ZFHX3: variants seen among roughly 807,000 people sequenced by gnomAD.
The protein encoded by ZFHX3 is zinc finger homeobox protein 3.
A neutral mutation model predicts 279.1 loss-of-function variants in ZFHX3; 42 were observed. That is an observed-to-expected ratio of 0.15 (90% confidence interval 0.12 to 0.19). ZFHX3 has a LOEUF of 0.19. Among genes scored for constraint, ZFHX3 ranks in the 10% least tolerant of loss-of-function variants. The pLI, the probability that ZFHX3 is intolerant of heterozygous loss-of-function variation, is 1.00. For synonymous variants in ZFHX3, 2,293 were observed against 1,957.8 expected (o/e 1.17, Z -4.52); for missense variants, 4,981 against 4,754.0 (o/e 1.05, Z -1.40).
intron 3 of ZFHX3, among the ~76,000 whole-genome samples, chr16:72,934,943 T>C (rs934090404): frequency 2.0e-5 from 3 of 152,352 alleles, no homozygotes; most frequent in East Asian, 1.9e-4. Flanking sequence ...AAATCCATGC[T>C]GTGAGTACAA....
intron 7 of ZFHX3, among the ~76,000 whole-genome samples, chr16:73,105,924 C>T (rs1279448005): frequency 2.0e-5 from 2 of 100,692 alleles, no homozygotes; most frequent in Non-Finnish European, 5.3e-5. Context: ...CCTATATGTA[C>T]ACGGACCCCC....
At chr16:72,901,908 C>G (rs1597361954) in intron 3 of ZFHX3, among the ~76,000 whole-genome samples, 2 of 152,318 alleles carry the variant, frequency 1.3e-5, no homozygotes, top group African/African-American at 4.8e-5. Flanking sequence ...TTCTGCCCTC[C>G]TTCCCCCACC....
At chr16:73,458,412 A>G (rs2018413234) in intron 2 of ZFHX3, among the ~76,000 whole-genome samples, 3 of 144,336 alleles carry the variant, frequency 2.1e-5, no homozygotes, top group Admixed American at 7.3e-5. Flanking sequence ...GTCTTACTCA[A>G]TTGCCCAGGC....
chr16:73,206,127 A>G (rs750995225), intron 5 of ZFHX3, among the ~76,000 whole-genome samples: 2 of 152,080 alleles, frequency 1.3e-5, no homozygotes, highest in Non-Finnish European at 1.5e-5. Context: ...ACTACCGTCA[A>G]CTCTTTCCTG....
At chr16:73,147,599 G>A (rs1232461292) in intron 5 of ZFHX3, among the ~76,000 whole-genome samples, 1 of 148,018 alleles carries the variant, frequency 6.8e-6, no homozygotes, top group Non-Finnish European at 1.5e-5. Flanking sequence ...GGCTGAGGCA[G>A]GAGAATGGCG....
In ZFHX3 at chr16:73,247,325, GGTGT is replaced by G. The variant is rs375190572; in HGVS notation, c.-1104+9718_-1104+9721del. The stretch of plus-strand genomic sequence containing the variant: ...TGCCTGTTTGTGGAGTGTTTGTGTA[GGTGT>G]GTGTATACTGTGTATATAACGTATT... On this transcript the variant is annotated intron_variant, in intron 5 of 17. Transcript: ENST00000641206. Among the ~76,000 whole-genome samples the G allele has an allele frequency of 4.8e-3, 710 of 149,440 alleles. 2 individuals are homozygous for G. Among genetic ancestry groups the G allele is most frequent in the Non-Finnish European group, 6.1e-3 (409 of 67,326 alleles).
At chr16:73,212,358 A>T (rs1006364892) in intron 5 of ZFHX3, among the ~76,000 whole-genome samples, 1 of 152,216 alleles carries the variant, frequency 6.6e-6, no homozygotes, top group Non-Finnish European at 1.5e-5. Context: ...TATTATGAAC[A>T]TATTTCCATG....
intron 7 of ZFHX3, among the ~76,000 whole-genome samples, chr16:73,122,117 C>A (rs886144317): frequency 6.6e-6 from 1 of 152,158 alleles, no homozygotes; most frequent in Non-Finnish European, 1.5e-5. Context: ...GGGCCTGGCA[C>A]ATGGTAGGTA....
intron 5 of ZFHX3, chr16:73,233,199 C>T (rs1241580388): frequency 6.6e-6 from 1 of 151,064 alleles, no homozygotes; most frequent in East Asian, 1.9e-4. Flanking sequence ...ACGGGAATTG[C>T]TCGATGTTCC....
chr16:73,033,748 T>A (rs1029771831), intron 1 of ZFHX3, among the ~76,000 whole-genome samples: 1 of 152,130 alleles, frequency 6.6e-6, no homozygotes, highest in Non-Finnish European at 1.5e-5. Flanking sequence ...CTTCTCAGCT[T>A]ACCAGGGGCA....
In ZFHX3 at chr16:73,502,730, G is replaced by A. The variant is rs575947493; in HGVS notation, c.-1546-46472C>T. ...TCAGCCGCTGAAAGAGTGAGAAGAT[G>A]ACCTGGTATCCCCATGCAATGAACA... On this transcript the variant is annotated intron_variant, in intron 2 of 17. Coordinates refer to the ZFHX3 transcript ENST00000641206. Among the ~76,000 whole-genome samples the A allele has an allele frequency of 7.2e-5, 11 of 152,308 alleles. No individual in the cohort carries two copies. The South Asian group carries it at 2.3e-3, about 32-fold the overall frequency.
Position 73,396,055 on chromosome 16 carries a change from G to A in ZFHX3, c.-1291+59948C>T, listed in dbSNP as rs114099832. ...ACCCTACCTGGAATAAATAGGCCAG[G>A]GCCTTAGAGGAATGTAGCAATTCTG... On this transcript the variant is annotated intron_variant, in intron 3 of 17. Transcript: ENST00000641206. Among the ~76,000 whole-genome samples the A allele has an allele frequency of 2.4e-3, 369 of 152,308 alleles. 1 individual carries two copies. Among genetic ancestry groups the A allele is most frequent in the African/African-American group, 8.2e-3 (341 of 41,562 alleles).
At chr16:73,594,252 T>G (rs2052026960) in intron 2 of ZFHX3, among the ~76,000 whole-genome samples, 1 of 152,154 alleles carries the variant, frequency 6.6e-6, no homozygotes, top group African/African-American at 2.4e-5. Context: ...AAAGATATCA[T>G]GTAAAATAGC....
intron 5 of ZFHX3, among the ~76,000 whole-genome samples, chr16:73,204,018 G>A (rs1028419117): frequency 5.9e-5 from 9 of 152,006 alleles, no homozygotes; most frequent in African/African-American, 1.9e-4. Context: ...TTTACAACTT[G>A]AATGGAAAAG....
intron 4 of ZFHX3, among the ~76,000 whole-genome samples, chr16:72,838,853 G>A (rs1359897179): frequency 1.3e-5 from 2 of 152,224 alleles, no homozygotes; most frequent in Non-Finnish European, 2.9e-5. Flanking sequence ...AAAGCACAAC[G>A]GAACGAAATA....
chr16:73,529,660 G>C (rs2019759342), intron 2 of ZFHX3, among the ~76,000 whole-genome samples: 1 of 152,194 alleles, frequency 6.6e-6, no homozygotes, highest in Admixed American at 6.5e-5. Context: ...ATTCCAGAAA[G>C]AGTCATACCT....
At chr16:73,316,800 G>A (rs1015450471) in intron 4 of ZFHX3, among the ~76,000 whole-genome samples, 10 of 152,016 alleles carry the variant, frequency 6.6e-5, no homozygotes, top group African/African-American at 2.4e-4. Context: ...AAACACACAA[G>A]GCATCATTTT....
chr16:73,037,581 C>T (rs1015099176), intron 1 of ZFHX3, among the ~76,000 whole-genome samples: 1 of 152,162 alleles, frequency 6.6e-6, no homozygotes. Flanking sequence ...ACACCTCCTC[C>T]CCGGCTCACA....
At chr16:72,803,632 GT>G in intron 7 of ZFHX3, among the ~76,000 whole-genome samples, 1 of 152,180 alleles carries the variant, frequency 6.6e-6, no homozygotes, top group East Asian at 1.9e-4. Flanking sequence ...AAGTTCTAAG[GT>G]TTGGCCAGGT....
Sources: gnomAD v4.1 joint callset for allele counts (sites outside exome capture counted in the v4.1 genomes callset) on GRCh38, gnomAD v4.1.1 for gene constraint, MANE v1.5 for transcripts, NCBI Gene and HGNC (gene_info 2026-07-23, HGNC 2026-07-21) for gene names.